Variants in PLXNC1 observed in about 807,000 individuals in gnomAD.
PLXNC1 encodes the protein plexin C1, also known as plexin-C1.
A neutral mutation model predicts 178.2 loss-of-function variants in PLXNC1; 75 were observed. The observed-to-expected ratio is 0.42, with a 90% CI of 0.35 to 0.51. PLXNC1 has a LOEUF of 0.51. PLXNC1 is among the 20% of genes least tolerant of loss of function. PLXNC1 has a pLI of 0.02. For missense variants in PLXNC1, 1,503 were observed against 1,984.4 expected (o/e 0.76, Z 4.61); for synonymous variants, 790 against 779.9 (o/e 1.01, Z -0.22).
intron 1 of PLXNC1, among the ~76,000 whole-genome samples, chr12:94,165,567 G>A (rs61927396): frequency 0.12 from 18,207 of 152,040 alleles, 1,211 homozygotes; most frequent in Admixed American, 0.14. Context: ...CCTGCAGCTG[G>A]GGAAGAACTG....
intron 16 of PLXNC1, 44 bp downstream of exon 16, chr12:94,254,932 T>G: frequency 7.0e-7 from 1 of 1,430,018 alleles, no homozygotes; most frequent in Non-Finnish European, 9.7e-7. Context: ...GCCTTTTATA[T>G]TTATACTTTT....
chr12:94,270,898 A>C (rs1565843815), intron 21 of PLXNC1, among the ~76,000 whole-genome samples: 1 of 152,110 alleles, frequency 6.6e-6, no homozygotes, highest in Non-Finnish European at 1.5e-5. Context: ...AAAGGGGAGC[A>C]GAGTGAAGAG....
chr12:94,149,386 C>T lies in PLXNC1; in HGVS notation c.415C>T (p.Leu139=), dbSNP rs942435060. 3.9e-5 allele frequency: 56 copies of T among 1,429,384 alleles called. No homozygotes were observed. Among genetic ancestry groups the T allele is most frequent in the Admixed American group, 2.1e-4 (7 of 33,996 alleles). The allele number at this position is 1,429,384 out of a possible 1,614,324, so 88.5% of individuals were successfully genotyped here. Residue 139 remains leucine (L), a synonymous_variant, in exon 1 of 31, where the codon CTG becomes TTG. Transcript: ENST00000258526. ...CCGGGGCGCCTGCGAGGTGCGGCCC[C>T]TGGGCAACCTGAGCCGCAACTCCCT... is the stretch of plus-strand genomic sequence containing the variant. ...FDRGACEVRP[L]GNLSRNSLRN... is the part of the protein sequence containing the mutation.
intron 23 of PLXNC1, among the ~76,000 whole-genome samples, chr12:94,290,422 G>C (rs867164179): frequency 2.0e-5 from 3 of 152,262 alleles, no homozygotes; most frequent in African/African-American, 7.2e-5. Context: ...CTCGTTAATA[G>C]GAGCAGAGTC....
chr12:94,278,251 T>C (rs1487268448), intron 21 of PLXNC1: 1 of 351,146 alleles, frequency 2.8e-6, no homozygotes, highest in Admixed American at 4.0e-5. Flanking sequence ...TACCCAAGCC[T>C]TTCTGACTTT....
At chr12:94,253,610 T>C (rs1414004059) in intron 15 of PLXNC1, among the ~76,000 whole-genome samples, 1 of 152,160 alleles carries the variant, frequency 6.6e-6, no homozygotes. Flanking sequence ...CTTTATGAAG[T>C]AGTCCAGTGA....
chr12:94,298,864 T>A, intron 27 of PLXNC1, 69 bp downstream of exon 27: 3 of 1,392,640 alleles, frequency 2.2e-6, no homozygotes, highest in Non-Finnish European at 3.0e-6. Flanking sequence ...AAGAAAGACA[T>A]AGATAGTTAT....
rs142348360 is a variant in PLXNC1, at chr12:94,198,907, A to G, written c.1440-10683A>G. ...ATCTACAAAGACCCTATTTCTACAT[A>G]AGGTCACGTTCTGAGGTTCTGATGG... is the stretch of plus-strand genomic sequence containing the variant. On this transcript the variant is annotated intron_variant, in intron 4 of 30. Transcript: ENST00000258526. Among the ~76,000 whole-genome samples, 205 of 152,290 alleles carry G rather than the reference A, an allele frequency of 1.3e-3. 3 individuals are homozygous for G. Among genetic ancestry groups the G allele is most frequent in the Admixed American group, 0.011 (168 of 15,300 alleles).
At chr12:94,250,518 A>C (rs1401315447) in intron 14 of PLXNC1, among the ~76,000 whole-genome samples, 2 of 152,170 alleles carry the variant, frequency 1.3e-5, no homozygotes, top group Non-Finnish European at 2.9e-5. Context: ...CTGTGCTCAG[A>C]TGCCTCCACG....
Position 94,279,841 on chromosome 12 carries a change from C to G in PLXNC1, c.3775+192C>G, listed in dbSNP as rs554061804. The stretch of plus-strand genomic sequence containing the variant: ...GTCTCTCATGGGCATCCTGATTCTT[C>G]GAAGGAAGCACGGTCCTTCAAAGAT... On this transcript the variant is annotated intron_variant, in intron 22 of 30. Transcript: ENST00000258526. 11 of 700,330 alleles carry G rather than the reference C, an allele frequency of 1.6e-5. No homozygotes were observed. The East Asian group carries it at 3.0e-4, about 19-fold the overall frequency. The allele number at this position is 700,330 out of a possible 1,614,324, so 43.4% of individuals were successfully genotyped here.
chr12:94,288,359 CTCTTGAG>C (rs1966908675), intron 23 of PLXNC1, among the ~76,000 whole-genome samples: 2 of 152,206 alleles, frequency 1.3e-5, no homozygotes, highest in Non-Finnish European at 2.9e-5. Flanking sequence ...AACAGGATCA[CTCTTGAG>C]TCTTAAGTGT....
At chr12:94,150,529 G>GC (rs1336663882) in intron 1 of PLXNC1, among the ~76,000 whole-genome samples, 1 of 152,156 alleles carries the variant, frequency 6.6e-6, no homozygotes, top group African/African-American at 2.4e-5. Flanking sequence ...AGCCTTTGTG[G>GC]CCCCCTGTCT....
chr12:94,221,447 C>T (rs1029566993), intron 6 of PLXNC1, among the ~76,000 whole-genome samples: 1 of 152,052 alleles, frequency 6.6e-6, no homozygotes, highest in Non-Finnish European at 1.5e-5. Flanking sequence ...AATAGATGGT[C>T]AGTAGGTACG....
intron 23 of PLXNC1, among the ~76,000 whole-genome samples, chr12:94,291,514 A>T (rs1438899124): frequency 1.3e-5 from 2 of 152,190 alleles, no homozygotes; most frequent in African/African-American, 4.8e-5. Context: ...TACAGTCATG[A>T]ACCACTGTGT....
intron 10 of PLXNC1, among the ~76,000 whole-genome samples, chr12:94,238,487 C>T (rs1478114416): frequency 5.9e-5 from 7 of 118,234 alleles, no homozygotes; most frequent in African/African-American, 8.4e-5. Context: ...ACTCCCCCTT[C>T]GAAAAAAAAA....
chr12:94,188,592 A>G (rs1364950424), intron 4 of PLXNC1, among the ~76,000 whole-genome samples: 2 of 152,146 alleles, frequency 1.3e-5, no homozygotes, highest in East Asian at 1.9e-4. Flanking sequence ...CCAAATTGCC[A>G]GGATTACAGC....
chr12:94,259,816 C>A, intron 19 of PLXNC1, 82 bp downstream of exon 19: 1 of 1,272,934 alleles, frequency 7.9e-7, no homozygotes, highest in Non-Finnish European at 1.0e-6. Context: ...GTAATCCCAG[C>A]ATTTTGGGAG....
intron 21 of PLXNC1, among the ~76,000 whole-genome samples, chr12:94,275,245 A>C (rs938744144): frequency 1.3e-5 from 2 of 152,174 alleles, no homozygotes; most frequent in Non-Finnish European, 2.9e-5. Context: ...ATTTATCATG[A>C]ATTATCTGAG....
intron 23 of PLXNC1, among the ~76,000 whole-genome samples, chr12:94,291,059 G>A (rs1021344565): frequency 6.6e-6 from 1 of 152,234 alleles, no homozygotes; most frequent in South Asian, 2.1e-4. Flanking sequence ...GGGGATTTGC[G>A]AGTGCCCATC....
Sources: allele counts gnomAD v4.1 joint callset (sites outside exome capture counted in the v4.1 genomes callset), GRCh38; gene constraint gnomAD v4.1.1; transcripts MANE v1.5; gene names NCBI Gene and HGNC (gene_info 2026-07-23, HGNC 2026-07-21).